Variants in CADPS observed in about 807,000 individuals in gnomAD.
CADPS encodes the protein calcium dependent secretion activator, also known as calcium-dependent secretion activator 1.
A neutral mutation model predicts 167.3 loss-of-function variants in CADPS; 57 were observed. The observed-to-expected ratio is 0.34, with a 90% CI of 0.28 to 0.42. The LOEUF is 0.42. Among genes scored for constraint, CADPS ranks in the 20% least tolerant of loss-of-function variants. The pLI, the probability that CADPS is intolerant of heterozygous loss-of-function variation, is 1.00. For synonymous variants in CADPS, 676 were observed against 635.3 expected (o/e 1.06, Z -0.96); for missense variants, 1,414 against 1,738.1 (o/e 0.81, Z 3.32).
intron 6 of CADPS, among the ~76,000 whole-genome samples, chr3:62,631,567 G>A (rs1380621054): frequency 6.6e-6 from 1 of 152,130 alleles, no homozygotes; most frequent in African/African-American, 2.4e-5. Context: ...TCAGTTCCAT[G>A]TACAAACACC....
At chr3:62,845,467 A>C (rs2077264792) in intron 1 of CADPS, among the ~76,000 whole-genome samples, 1 of 152,050 alleles carries the variant, frequency 6.6e-6, no homozygotes, top group South Asian at 2.1e-4. Context: ...TTGAAGATGA[A>C]ATAAGATTAT....
chr3:62,551,065 T>C (rs115881562), intron 10 of CADPS, among the ~76,000 whole-genome samples: 3 of 152,298 alleles, frequency 2.0e-5, no homozygotes, highest in African/African-American at 7.2e-5. Flanking sequence ...CAACCAGCCT[T>C]TAAGTACCAT....
intron 3 of CADPS, among the ~76,000 whole-genome samples, chr3:62,706,985 A>G (rs1160567130): frequency 6.6e-6 from 1 of 152,124 alleles, no homozygotes; most frequent in Non-Finnish European, 1.5e-5. Flanking sequence ...TCTACCCCTT[A>G]CATTTATACA....
At chr3:62,674,980 A>G (rs971648523) in intron 3 of CADPS, among the ~76,000 whole-genome samples, 10 of 152,320 alleles carry the variant, frequency 6.6e-5, no homozygotes, top group African/African-American at 2.4e-4. Flanking sequence ...AGGATAGGTT[A>G]ATTTATTCCA....
At chr3:62,773,131 C>T (rs1175859283) in intron 1 of CADPS, among the ~76,000 whole-genome samples, 1 of 151,464 alleles carries the variant, frequency 6.6e-6, no homozygotes, top group East Asian at 1.9e-4. Context: ...TATTTAATTT[C>T]TTTTTTTTGA....
chr3:62,759,556 G>C (rs1202392084), intron 2 of CADPS, among the ~76,000 whole-genome samples: 1 of 152,148 alleles, frequency 6.6e-6, no homozygotes, highest in Non-Finnish European at 1.5e-5. Context: ...TATGCCATTT[G>C]TGTGACCTTT....
intron 6 of CADPS, among the ~76,000 whole-genome samples, chr3:62,594,224 G>T (rs1232747244): frequency 1.3e-5 from 2 of 148,588 alleles, no homozygotes; most frequent in East Asian, 2.0e-4. Flanking sequence ...TGCAGTGGCG[G>T]GATCTCGGCT....
chr3:62,586,763 G>C (rs1033297250), intron 7 of CADPS, among the ~76,000 whole-genome samples: 1 of 152,058 alleles, frequency 6.6e-6, no homozygotes, highest in Non-Finnish European at 1.5e-5. Flanking sequence ...TGAGCAATTA[G>C]CCCAGTATCT....
At chr3:62,825,076 C>T (rs1334523971) in intron 1 of CADPS, among the ~76,000 whole-genome samples, 1 of 152,088 alleles carries the variant, frequency 6.6e-6, no homozygotes, top group Non-Finnish European at 1.5e-5. Flanking sequence ...GCTATGGACA[C>T]TTGTCATATA....
intron 1 of CADPS, among the ~76,000 whole-genome samples, chr3:62,821,825 T>G (rs1423488110): frequency 1.3e-5 from 2 of 152,202 alleles, no homozygotes; most frequent in Non-Finnish European, 2.9e-5. Context: ...CTCCCAAGGC[T>G]GAACTCAAGG....
chr3:62,770,583 G>C (rs544783135), intron 1 of CADPS, among the ~76,000 whole-genome samples: 1 of 152,082 alleles, frequency 6.6e-6, no homozygotes, highest in South Asian at 2.1e-4. Flanking sequence ...GCACCAGCAC[G>C]CCCAGCTAAT....
At chr3:62,715,087 A>G (rs1045900033) in intron 3 of CADPS, among the ~76,000 whole-genome samples, 1 of 152,226 alleles carries the variant, frequency 6.6e-6, no homozygotes, top group African/African-American at 2.4e-5. Context: ...TTCAAGATAC[A>G]TGCTGAAATA....
intron 6 of CADPS, among the ~76,000 whole-genome samples, chr3:62,624,268 C>T (rs1384786835): frequency 1.3e-5 from 2 of 152,094 alleles, no homozygotes; most frequent in Non-Finnish European, 2.9e-5. Context: ...TATCTGACTG[C>T]TTTGGTAGAA....
intron 1 of CADPS, among the ~76,000 whole-genome samples, chr3:62,830,910 T>C (rs1346772993): frequency 6.6e-6 from 1 of 152,192 alleles, no homozygotes; most frequent in African/African-American, 2.4e-5. Context: ...ATTGTGGACT[T>C]TGCCAACTGT....
chr3:62,639,598 A>G (rs1042463853), intron 6 of CADPS, among the ~76,000 whole-genome samples: 2 of 152,216 alleles, frequency 1.3e-5, no homozygotes, highest in Admixed American at 1.3e-4. Context: ...TGTGTGCTCA[A>G]TAAATACTAG....
At chr3:62,785,987 C>A (rs1008540808) in intron 1 of CADPS, among the ~76,000 whole-genome samples, 1 of 149,268 alleles carries the variant, frequency 6.7e-6, no homozygotes, top group Admixed American at 6.7e-5. Context: ...CTGAGACAGG[C>A]GGATCATTTG....
chr3:62,762,246 A>G (rs1349095197), intron 2 of CADPS, among the ~76,000 whole-genome samples: 1 of 152,220 alleles, frequency 6.6e-6, no homozygotes, highest in Non-Finnish European at 1.5e-5. Context: ...TACAAAATAT[A>G]AAAAATAAGA....
At chr3:62,716,523 TG>T (rs1308303384) in intron 3 of CADPS, among the ~76,000 whole-genome samples, 1 of 152,258 alleles carries the variant, frequency 6.6e-6, no homozygotes, top group Non-Finnish European at 1.5e-5. Context: ...GCTTGCTACA[TG>T]GTCTGACAGA....
intron 6 of CADPS, among the ~76,000 whole-genome samples, chr3:62,599,232 A>G (rs905042261): frequency 1.3e-5 from 2 of 151,968 alleles, no homozygotes; most frequent in African/African-American, 4.8e-5. Flanking sequence ...ATAATGTAAA[A>G]TGGGTTAGGT....
Sources: gnomAD v4.1 joint callset for allele counts (sites outside exome capture counted in the v4.1 genomes callset) on GRCh38, gnomAD v4.1.1 for gene constraint, MANE v1.5 for transcripts, NCBI Gene and HGNC (gene_info 2026-07-23, HGNC 2026-07-21) for gene names.